The following PTGES variants were observed in gnomAD, a reference collection of about 807,000 sequenced individuals.
PTGES encodes the protein prostaglandin E synthase.
PTGES carries 3 observed loss-of-function variants against 11.8 expected under a neutral mutation model. That is an observed-to-expected ratio of 0.25 (90% CI 0.12 to 0.66). PTGES has a LOEUF of 0.66. PTGES is among the 30% of genes least tolerant of loss of function. PTGES has a pLI of 0.82. For synonymous variants in PTGES, 94 were observed against 90.4 expected, an observed-to-expected ratio of 1.04 and a Z score of -0.22; for missense variants, 180 against 213.0, an observed-to-expected ratio of 0.85 and a Z score of 0.96.
At chr9:129,749,219 C>G (rs1191747112) in intron 1 of PTGES, among the ~76,000 whole-genome samples, 1 of 151,990 alleles carries the variant, frequency 6.6e-6, no homozygotes, top group East Asian at 1.9e-4. Flanking sequence ...TAGCAAGACC[C>G]CATCTCTAAA....
chr9:129,744,550 C>A (rs372965102), intron 2 of PTGES, among the ~76,000 whole-genome samples: 2 of 131,860 alleles, frequency 1.5e-5, no homozygotes, highest in Admixed American at 8.9e-5. Context: ...CCAGCCTGGG[C>A]GACAGAGCAA....
At position 129,747,421 on chromosome 9, in the gene PTGES, G is replaced by A. The variant is rs45507495; in HGVS notation, c.209+1234C>T. Among the ~76,000 whole-genome samples the A allele has an allele frequency of 8.2e-3, 1,250 of 152,204 alleles. 17 individuals are homozygous for A. The highest frequency in any genetic ancestry group is 0.029 in the African/African-American group (1,190 of 41,516). ...GTGTTTTTTCAGTATTACCCAAATCGTCTGTAATGAGTTCTGATTTTTATA... is the reference window on the plus strand; with the variant it reads ...GTGTTTTTTCAGTATTACCCAAATCATCTGTAATGAGTTCTGATTTTTATA... On this transcript the variant is annotated intron_variant, in intron 2 of 2. Coordinates refer to ENST00000340607, the MANE Select transcript of PTGES (RefSeq NM_004878.5).
rs1134680 is a variant in PTGES, at chr9:129,739,427, C to T, written c.*184G>A. 5.3e-5 allele frequency: 40 copies of T among 754,074 alleles called. No individual in the cohort carries two copies. Among genetic ancestry groups the T allele is most frequent in the South Asian group, 9.6e-5 (5 of 52,252 alleles). 46.7% of individuals were successfully genotyped at this position (754,074 alleles called of 1,614,324 possible). A position where few individuals can be genotyped will look rare whatever the true frequency, so the allele number is the denominator to read the frequency against. ...TCCAAGGGGCTAAGAAACATACACACACACATACACACACACGGGCACACA... is the reference window on the plus strand; with the variant it reads ...TCCAAGGGGCTAAGAAACATACACATACACATACACACACACGGGCACACA... On this transcript the variant is annotated 3_prime_UTR_variant, in exon 3 of 3. Coordinates refer to ENST00000340607, the MANE Select transcript of PTGES (RefSeq NM_004878.5). This position sits in a 1 kb window ranked among gnomAD's most constrained non-coding sequence, Gnocchi z 5.7.
chr9:129,741,570 G>T (rs1422219047), intron 2 of PTGES, among the ~76,000 whole-genome samples: 26 of 152,208 alleles, frequency 1.7e-4, no homozygotes, highest in Non-Finnish European at 1.2e-4. Context: ...GCCTGTGTCT[G>T]TCAGAGGCTG....
chr9:129,747,907 G>A (rs1328029302), intron 2 of PTGES, among the ~76,000 whole-genome samples: 1 of 151,260 alleles, frequency 6.6e-6, no homozygotes, highest in African/African-American at 2.4e-5. Flanking sequence ...CTACTTGGGA[G>A]GCTGAGGCAG....
chr9:129,750,347 T>G (rs1162740385), intron 1 of PTGES, among the ~76,000 whole-genome samples: 1 of 152,236 alleles, frequency 6.6e-6, no homozygotes, highest in Non-Finnish European at 1.5e-5. Context: ...CAGAGGAGAA[T>G]GCAGCTCAGA....
rs1833039714 is a variant in PTGES at position 129,745,335 on chromosome 9, A to C, written c.209+3320T>G. Among the ~76,000 whole-genome samples, 1 of 152,186 alleles carries C rather than the reference A, an allele frequency of 6.6e-6. No homozygotes were observed. Among genetic ancestry groups the C allele is most frequent in the Admixed American group, 6.5e-5 (1 of 15,274 alleles). ...CACATTTGGACTGCAGCATGTGCTA[A>C]CCTGCAAGGCAGATTCATGCTCCAA... On this transcript the variant is annotated intron_variant, in intron 2 of 2. Coordinates refer to ENST00000340607, the MANE Select transcript of PTGES (RefSeq NM_004878.5). The surrounding 1 kb of genome is among the most constrained non-coding windows in gnomAD (Gnocchi z 4.2).
At chr9:129,746,149 A>G (rs1033137199) in intron 2 of PTGES, among the ~76,000 whole-genome samples, 5 of 152,248 alleles carry the variant, frequency 3.3e-5, no homozygotes, top group African/African-American at 1.2e-4. Flanking sequence ...CTGTAAGGCC[A>G]CTTGGCCACT....
intron 2 of PTGES, among the ~76,000 whole-genome samples, chr9:129,747,390 G>C (rs1047821673): frequency 5.9e-5 from 9 of 152,154 alleles, no homozygotes; most frequent in African/African-American, 2.2e-4. Flanking sequence ...TTTCCTTTCT[G>C]TCTCTGTGTT....
Position 129,745,628 on chromosome 9 carries a change from G to A in PTGES, c.209+3027C>T, listed in dbSNP as rs369392335. On this transcript the variant is annotated intron_variant, in intron 2 of 2. Coordinates refer to ENST00000340607, the MANE Select transcript of PTGES (RefSeq NM_004878.5). This position sits in a 1 kb window ranked among gnomAD's most constrained non-coding sequence, Gnocchi z 4.2. ...TCTGACTTGGGCCCAGTATACAGTC[G>A]GCTTCCAGTAAGTCCTCACCAAATG... Among the ~76,000 whole-genome samples, 59 of 152,214 alleles carry A rather than the reference G, an allele frequency of 3.9e-4. No homozygotes were observed. The South Asian group carries it at 0.01, about 26-fold the overall frequency.
intron 2 of PTGES, among the ~76,000 whole-genome samples, chr9:129,748,336 G>T (rs1351781512): frequency 6.6e-6 from 1 of 152,044 alleles, no homozygotes; most frequent in Non-Finnish European, 1.5e-5. Flanking sequence ...TCTGTGGGAA[G>T]ATGCATGGCC....
chr9:129,749,975 C>A (rs142809173), intron 1 of PTGES, among the ~76,000 whole-genome samples: 1 of 152,328 alleles, frequency 6.6e-6, no homozygotes, highest in African/African-American at 2.4e-5. Flanking sequence ...ACCACAGGAT[C>A]CTGAACTCTG....
chr9:129,742,218 C>A (rs751546913), intron 2 of PTGES, among the ~76,000 whole-genome samples: 1 of 150,110 alleles, frequency 6.7e-6, no homozygotes, highest in African/African-American at 2.5e-5. Context: ...CCCAGCTACT[C>A]AGGAGGCTGA....
intron 2 of PTGES, among the ~76,000 whole-genome samples, chr9:129,744,703 C>T (rs1833033893): frequency 6.6e-6 from 1 of 151,706 alleles, no homozygotes; most frequent in Admixed American, 6.6e-5. Flanking sequence ...ATGGTGAAAT[C>T]CTGCATCTAC....
chr9:129,742,328 C>CAAA (rs1194614585), intron 2 of PTGES, among the ~76,000 whole-genome samples: 8 of 50,982 alleles, frequency 1.6e-4, no homozygotes, highest in Non-Finnish European at 3.0e-4. Context: ...GACTCTGTCT[C>CAAA]AAAAAAAAAA....
At chr9:129,751,163 CA>C (rs970008582) in intron 1 of PTGES, among the ~76,000 whole-genome samples, 3 of 151,660 alleles carry the variant, frequency 2.0e-5, no homozygotes, top group African/African-American at 7.3e-5. Context: ...CCATCTCTAC[CA>C]AAAACATAAA....
intron 1 of PTGES, 116 bp downstream of exon 1, chr9:129,752,771 T>C (rs2130956602): frequency 1.3e-6 from 2 of 1,509,164 alleles, no homozygotes; most frequent in Non-Finnish European, 1.8e-6. Context: ...GAAGAGGTGC[T>C]CACCTCCCAG....
intron 2 of PTGES, among the ~76,000 whole-genome samples, chr9:129,744,187 C>T (rs57534018): frequency 0.016 from 2,491 of 152,222 alleles, 69 homozygotes; most frequent in African/African-American, 0.057. Context: ...TCTCCTCCAT[C>T]GCCATCACCA....
Position 129,739,544 on chromosome 9 carries a change from GT to G in PTGES, c.*66del. On this transcript the variant is annotated 3_prime_UTR_variant, in exon 3 of 3. Coordinates refer to ENST00000340607, the MANE Select transcript of PTGES (RefSeq NM_004878.5). The surrounding 1 kb of genome is among the most constrained non-coding windows in gnomAD (Gnocchi z 5.7). ...CACCACAATCTGGAAGGAACATCAA[GT>G]CCCCAGGTATAGCCACGGCGGCTCT... 6.7e-7 allele frequency: 1 copy of G among 1,503,566 alleles called. No individual in the cohort carries two copies. The allele number at this position is 1,503,566 out of a possible 1,614,324, so 93.1% of individuals were successfully genotyped here.
Sources: gnomAD v4.1 joint callset for allele counts (sites outside exome capture counted in the v4.1 genomes callset) on GRCh38, gnomAD v4.1.1 for gene constraint, Gnocchi (gnomAD v3.1) non-coding constraint, MANE v1.5 for transcripts, NCBI Gene and HGNC (gene_info 2026-07-23, HGNC 2026-07-21) for gene names.